The following GCNT2 variants were observed in gnomAD, a reference collection of about 807,000 sequenced individuals.
GCNT2 encodes the protein N-acetyllactosaminide beta-1,6-N-acetylglucosaminyl-transferase.
Under a neutral mutation model 34.2 loss-of-function variants are expected in GCNT2, and 34 were observed. That is an observed-to-expected ratio of 1.00 (90% CI 0.76 to 1.32). GCNT2 has a LOEUF of 1.32. GCNT2 is among the 40% of genes most tolerant of loss of function. GCNT2 has a pLI of 0.00. For missense variants in GCNT2, 584 were observed against 489.4 expected, an observed-to-expected ratio of 1.19 and a Z score of -1.82; for synonymous variants, 212 against 188.0, an observed-to-expected ratio of 1.13 and a Z score of -1.04.
chr6:10,544,759 C>T (rs940837031), intron 3 of GCNT2, among the ~76,000 whole-genome samples: 5 of 151,336 alleles, frequency 3.3e-5, no homozygotes, highest in African/African-American at 9.7e-5. Context: ...GCCTGGCCAA[C>T]GTGGTGAAAC....
chr6:10,566,786 T>G (rs755099216), intron 3 of GCNT2, among the ~76,000 whole-genome samples: 26 of 152,356 alleles, frequency 1.7e-4, no homozygotes, highest in South Asian at 6.2e-4. Context: ...TGCACACATG[T>G]ACGCTTGTGC....
intron 3 of GCNT2, among the ~76,000 whole-genome samples, chr6:10,573,729 CT>C (rs1458240462): frequency 6.6e-6 from 1 of 152,200 alleles, no homozygotes; most frequent in Non-Finnish European, 1.5e-5. Context: ...CCATCGTTAG[CT>C]TTTTGCAGGT....
rs146292139 is a variant in GCNT2, at chr6:10,601,289, C to G, written c.926-20062C>G. 1.8e-3 allele frequency among the ~76,000 whole-genome samples: 281 copies of G among 152,144 alleles called. 2 individuals are homozygous for G. Among genetic ancestry groups the G allele is most frequent in the African/African-American group, 6.4e-3 (264 of 41,476 alleles). The stretch of plus-strand genomic sequence containing the variant: ...TACAGCATTTAATTATGTAATTAAA[C>G]TTGTACTTTTATTACCTTTGATTTT... On this transcript the variant is annotated intron_variant, in intron 3 of 4. Transcript: ENST00000495262.
intron 3 of GCNT2, among the ~76,000 whole-genome samples, chr6:10,614,165 G>A (rs935395511): frequency 6.6e-6 from 1 of 152,118 alleles, no homozygotes; most frequent in African/African-American, 2.4e-5. Flanking sequence ...TAATAACCAA[G>A]TGATGCTTAC....
rs1313374938 is a variant in GCNT2 at position 10,627,017 on chromosome 6, C to T, written c.*410C>T. On this transcript the variant is annotated 3_prime_UTR_variant, in exon 5 of 5. Transcript: ENST00000495262. ...TTTGAAGAAGGAATCTTTTATAACA[C>T]CTTAACAGTCACCACTGTGCTCAAC... The T allele has an allele frequency of 2.0e-5, 4 of 196,144 alleles. No individual in the cohort carries two copies. Among genetic ancestry groups the T allele is most frequent in the Admixed American group, 5.3e-5 (1 of 18,774 alleles). 12.2% of individuals were successfully genotyped at this position (196,144 alleles called of 1,614,324 possible).
At chr6:10,595,840 A>G (rs533009967) in intron 3 of GCNT2, among the ~76,000 whole-genome samples, 2 of 152,314 alleles carry the variant, frequency 1.3e-5, no homozygotes, top group East Asian at 3.9e-4. Context: ...AAAAACTTAT[A>G]AACACACACA....
At chr6:10,532,593 T>C (rs1761547461) in intron 3 of GCNT2, among the ~76,000 whole-genome samples, 1 of 152,102 alleles carries the variant, frequency 6.6e-6, no homozygotes, top group African/African-American at 2.4e-5. Context: ...GGCTCAAGCC[T>C]TCCAAGAGGC....
Position 10,618,365 on chromosome 6 carries a change from A to G in GCNT2, c.926-2986A>G, listed in dbSNP as rs138868192. ...CGAGGTTAGTAGGTGTTATGTGTTC[A>G]TTTTATAAAGACAGCAGGTAATTAA... On this transcript the variant is annotated intron_variant, in intron 3 of 4. Coordinates refer to ENST00000495262, the MANE Select transcript of GCNT2 (RefSeq NM_145649.5). 2.7e-3 allele frequency among the ~76,000 whole-genome samples: 408 copies of G among 152,334 alleles called. 1 individual carries two copies. Among genetic ancestry groups the G allele is most frequent in the Non-Finnish European group, 4.8e-3 (324 of 68,032 alleles).
chr6:10,594,616 T>G (rs1400946648), intron 3 of GCNT2, among the ~76,000 whole-genome samples: 1 of 152,170 alleles, frequency 6.6e-6, no homozygotes, highest in Non-Finnish European at 1.5e-5. Flanking sequence ...AAATGACAGG[T>G]TAGGTGTTTA....
intron 3 of GCNT2, among the ~76,000 whole-genome samples, chr6:10,569,235 CCACACACACACACA>C (rs373362957): frequency 5.5e-4 from 26 of 47,516 alleles, no homozygotes; most frequent in Non-Finnish European, 1.2e-3. Flanking sequence ...ACTCCCCCCG[CCACACACACACACA>C]CACACACACA....
chr6:10,538,266 G>A (rs1561784674), intron 3 of GCNT2, among the ~76,000 whole-genome samples: 1 of 151,454 alleles, frequency 6.6e-6, no homozygotes, highest in Non-Finnish European at 1.5e-5. Flanking sequence ...AAATTAGCCA[G>A]GCATGGTGGT....
chr6:10,563,851 T>C (rs1040896576), intron 3 of GCNT2, among the ~76,000 whole-genome samples: 1 of 131,012 alleles, frequency 7.6e-6, no homozygotes, highest in Non-Finnish European at 1.6e-5. Flanking sequence ...TAACAAGAAA[T>C]CAAAATAAAA....
chr6:10,553,145 T>C (rs1330705091), intron 3 of GCNT2, among the ~76,000 whole-genome samples: 1 of 152,166 alleles, frequency 6.6e-6, no homozygotes, highest in Non-Finnish European at 1.5e-5. Flanking sequence ...AGAACAATTA[T>C]GAGGGTGTAA....
At chr6:10,582,412 ATATT>A (rs778614002) in intron 3 of GCNT2, among the ~76,000 whole-genome samples, 99 of 125,174 alleles carry the variant, frequency 7.9e-4, no homozygotes, top group African/African-American at 2.1e-3. Flanking sequence ...AAATAGTATA[ATATT>A]TATTATATAC....
intron 3 of GCNT2, among the ~76,000 whole-genome samples, chr6:10,592,016 T>A (rs996113347): frequency 1.3e-5 from 2 of 152,194 alleles, no homozygotes; most frequent in African/African-American, 4.8e-5. Flanking sequence ...CACAAAGGAT[T>A]CATTCACTCA....
In GCNT2 at chr6:10,628,409, T is replaced by C. The variant is rs1766354840; in HGVS notation, c.*1802T>C. 1 of 152,226 alleles carries C rather than the reference T, an allele frequency of 6.6e-6. No individual in the cohort carries two copies. The highest frequency in any genetic ancestry group is 6.5e-5 in the Admixed American group (1 of 15,278). The allele number at this position is 152,226 out of a possible 1,614,324, so 9.4% of individuals were successfully genotyped here. A position where few individuals can be genotyped will look rare whatever the true frequency, so the allele number is the denominator to read the frequency against. On this transcript the variant is annotated 3_prime_UTR_variant, in exon 5 of 5. Coordinates refer to ENST00000495262, the MANE Select transcript of GCNT2 (RefSeq NM_145649.5). ...GAATGACTTTGAAGTAAAACCTTTT[T>C]TCTTGCTACTGAAAAAAATGGAGTT... is the stretch of plus-strand genomic sequence containing the variant.
At chr6:10,538,548 C>T (rs1467817360) in intron 3 of GCNT2, among the ~76,000 whole-genome samples, 1 of 148,120 alleles carries the variant, frequency 6.8e-6, no homozygotes, top group Non-Finnish European at 1.5e-5. Flanking sequence ...GATCTCATGG[C>T]ATCTATGTTT....
intron 3 of GCNT2, among the ~76,000 whole-genome samples, chr6:10,558,221 C>T (rs936872498): frequency 1.3e-5 from 2 of 152,190 alleles, no homozygotes; most frequent in African/African-American, 4.8e-5. Flanking sequence ...TATTTTCTAT[C>T]TCATTAACTG....
chr6:10,601,142 T>G (rs1663929109), intron 3 of GCNT2, among the ~76,000 whole-genome samples: 1 of 152,212 alleles, frequency 6.6e-6, no homozygotes, highest in African/African-American at 2.4e-5. Flanking sequence ...GCCCTGCTTT[T>G]CTTTTTCCAT....
Sources: gnomAD v4.1 joint callset for allele counts (sites outside exome capture counted in the v4.1 genomes callset) on GRCh38, gnomAD v4.1.1 for gene constraint, MANE v1.5 for transcripts, NCBI Gene and HGNC (gene_info 2026-07-23, HGNC 2026-07-21) for gene names.